Variants in TUSC3 observed in about 807,000 individuals in gnomAD.
TUSC3 encodes tumor suppressor candidate 3.
In TUSC3, 45 loss-of-function variants were observed where a neutral mutation model predicts 44.8. The observed-to-expected ratio is 1.00, with a 90% confidence interval of 0.79 to 1.29. TUSC3 has a LOEUF of 1.29. Among genes scored for constraint, TUSC3 ranks in the 50% most tolerant of loss-of-function variants. TUSC3 has a pLI of 0.00. For synonymous variants in TUSC3, 212 were observed against 152.9 expected, an observed-to-expected ratio of 1.39 and a Z score of -2.85; for missense variants, 519 against 437.9, an observed-to-expected ratio of 1.19 and a Z score of -1.65.
At chr8:15,473,347 T>G (rs956683364) in intron 1 of TUSC3, among the ~76,000 whole-genome samples, 2 of 152,214 alleles carry the variant, frequency 1.3e-5, no homozygotes, top group Non-Finnish European at 2.9e-5. Context: ...AAGGAAATGT[T>G]TCATCCCATA....
intron 5 of TUSC3, among the ~76,000 whole-genome samples, chr8:15,672,711 T>C (rs1808002678): frequency 6.6e-6 from 1 of 152,072 alleles, no homozygotes; most frequent in African/African-American, 2.4e-5. Flanking sequence ...GTGAGACTTC[T>C]TAGATTCTCT....
chr8:15,576,557 C>A (rs564195390), intron 1 of TUSC3, among the ~76,000 whole-genome samples: 1 of 145,762 alleles, frequency 6.9e-6, no homozygotes, highest in South Asian at 2.2e-4. Context: ...TGAGAATATG[C>A]CGTGATTGGT....
intron 1 of TUSC3, among the ~76,000 whole-genome samples, chr8:15,433,485 A>G (rs1174462059): frequency 1.3e-5 from 2 of 152,056 alleles, no homozygotes; most frequent in South Asian, 2.1e-4. Context: ...GAAAATTGCC[A>G]TTATTCCTCA....
the TUSC3 span, among the ~76,000 whole-genome samples, chr8:15,828,971 C>T: frequency 4.4e-3 from 673 of 152,276 alleles, 5 homozygotes; most frequent in African/African-American, 0.015. Context: ...TGACAAAAAA[C>T]ATGAATTGGA....
At chr8:15,738,833 T>TTTTCTTTC (rs1811054916) in intron 7 of TUSC3, among the ~76,000 whole-genome samples, 1 of 126,882 alleles carries the variant, frequency 7.9e-6, no homozygotes, top group African/African-American at 2.9e-5. Context: ...CTTGCTTTTT[T>TTTTCTTTC]TTTTTTTTTT....
chr8:15,599,453 C>A (rs1804192871), intron 1 of TUSC3, among the ~76,000 whole-genome samples: 1 of 151,626 alleles, frequency 6.6e-6, no homozygotes, highest in Admixed American at 6.6e-5. Flanking sequence ...TGAAGTCTAG[C>A]TTATTATTTC....
intron 6 of TUSC3, among the ~76,000 whole-genome samples, chr8:15,723,192 T>C (rs1810370887): frequency 6.6e-6 from 1 of 152,148 alleles, no homozygotes; most frequent in Non-Finnish European, 1.5e-5. Flanking sequence ...TTTTGGAGTA[T>C]GCCTGGGCCA....
At chr8:15,845,090 A>T in the TUSC3 span, among the ~76,000 whole-genome samples, 2 of 152,198 alleles carry the variant, frequency 1.3e-5, no homozygotes, top group Non-Finnish European at 2.9e-5. Flanking sequence ...CTAAAAAGTT[A>T]CTAATGGAGC....
At chr8:15,556,161 C>G (rs1389650410) in intron 1 of TUSC3, among the ~76,000 whole-genome samples, 2 of 114,508 alleles carry the variant, frequency 1.7e-5, no homozygotes, top group African/African-American at 3.2e-5. Flanking sequence ...CCCCCCTCCC[C>G]CCACCCCACA....
chr8:15,433,602 C>A (rs911323542), intron 1 of TUSC3, among the ~76,000 whole-genome samples: 5 of 151,930 alleles, frequency 3.3e-5, no homozygotes, highest in African/African-American at 1.2e-4. Flanking sequence ...CCACCGCCAC[C>A]ACCACATGCC....
At chr8:15,526,791 G>A (rs1801379195) in intron 2 of TUSC3, among the ~76,000 whole-genome samples, 2 of 152,092 alleles carry the variant, frequency 1.3e-5, no homozygotes, top group Non-Finnish European at 1.5e-5. Flanking sequence ...GATAAGGACC[G>A]GTACTAAAGT....
chr8:15,590,509 A>G (rs543261214), intron 1 of TUSC3, among the ~76,000 whole-genome samples: 1 of 152,140 alleles, frequency 6.6e-6, no homozygotes, highest in South Asian at 2.1e-4. Flanking sequence ...CCCCATTAAC[A>G]TTTAATTTTT....
intron 6 of TUSC3, among the ~76,000 whole-genome samples, chr8:15,702,506 C>G (rs1298802316): frequency 6.6e-6 from 1 of 152,080 alleles, no homozygotes; most frequent in Non-Finnish European, 1.5e-5. Context: ...ATCAGCTGAA[C>G]AAATATTTGA....
intron 1 of TUSC3, among the ~76,000 whole-genome samples, chr8:15,448,243 C>A (rs1487246358): frequency 3.3e-5 from 5 of 151,604 alleles, no homozygotes; most frequent in Non-Finnish European, 7.4e-5. Flanking sequence ...CTCACCCTCT[C>A]AAGTAGCTGA....
intron 2 of TUSC3, among the ~76,000 whole-genome samples, chr8:15,645,414 C>T (rs955356581): frequency 1.3e-5 from 2 of 152,044 alleles, no homozygotes; most frequent in African/African-American, 4.8e-5. Flanking sequence ...AGACATACCA[C>T]CATTATTTTC....
At chr8:15,494,096 C>G (rs963909552) in intron 2 of TUSC3, among the ~76,000 whole-genome samples, 1 of 152,222 alleles carries the variant, frequency 6.6e-6, no homozygotes. Context: ...GCTATACCAG[C>G]TGCTCTGCTG....
chr8:15,799,783 T>A, the TUSC3 span, among the ~76,000 whole-genome samples: 6,200 of 152,254 alleles, frequency 0.041, 144 homozygotes, highest in Middle Eastern at 0.061. Flanking sequence ...TTACTCTAGT[T>A]GCAAGCTAAC....
chr8:15,432,725 T>A (rs954993268), intron 1 of TUSC3, among the ~76,000 whole-genome samples: 1 of 152,126 alleles, frequency 6.6e-6, no homozygotes, highest in Admixed American at 6.6e-5. Context: ...GAACTTAATG[T>A]GCATCTCGGA....
intron 6 of TUSC3, among the ~76,000 whole-genome samples, chr8:15,703,598 G>T (rs891146406): frequency 2.0e-5 from 3 of 152,122 alleles, no homozygotes; most frequent in African/African-American, 7.2e-5. Flanking sequence ...GAAGCATGGC[G>T]CCAGCATCTG....
Sources: allele counts gnomAD v4.1 joint callset (sites outside exome capture counted in the v4.1 genomes callset), GRCh38; gene constraint gnomAD v4.1.1; transcripts MANE v1.5; gene names NCBI Gene and HGNC (gene_info 2026-07-23, HGNC 2026-07-21).